HSD17B4: variants seen among roughly 807,000 people sequenced by gnomAD.
HSD17B4 encodes the protein peroxisomal multifunctional enzyme type 2.
In HSD17B4, 70 loss-of-function variants were observed where a neutral mutation model predicts 101.0. The observed-to-expected ratio is 0.69, with a 90% CI of 0.57 to 0.85. The LOEUF (loss-of-function observed/expected upper bound fraction) is 0.85. Among genes scored for constraint, HSD17B4 ranks in the 40% least tolerant of loss-of-function variants. The pLI, the probability that HSD17B4 is intolerant of heterozygous loss-of-function variation, is 0.00. For synonymous variants in HSD17B4, 347 were observed against 297.1 expected (o/e 1.17, Z -1.73); for missense variants, 984 against 892.4 (o/e 1.10, Z -1.31).
In HSD17B4 at chr5:119,529,881, T is replaced by G. The variant is rs1042490027; in HGVS notation, c.1768-13T>G. The G allele has an allele frequency of 6.7e-7, 1 of 1,496,228 alleles. No individual in the cohort carries two copies. Among genetic ancestry groups the G allele is most frequent in the African/African-American group, 1.4e-5 (1 of 72,438 alleles). The allele number at this position is 1,496,228 out of a possible 1,614,324, so 92.7% of individuals were successfully genotyped here. A position where few individuals can be genotyped will look rare whatever the true frequency, so the allele number is the denominator to read the frequency against. On this transcript the variant is annotated splice_polypyrimidine_tract_variant and intron_variant, in intron 20 of 23. Coordinates refer to ENST00000510025, the MANE Select transcript of HSD17B4 (RefSeq NM_000414.4). ...AATCAGAATAAATCTTTTTTTTTTCTTCTCCTCCTAAGGTCCAAGAAACTG... is the reference window on the plus strand; with the variant it reads ...AATCAGAATAAATCTTTTTTTTTTCGTCTCCTCCTAAGGTCCAAGAAACTG...
At chr5:119,457,730 T>C (rs972019828) in intron 2 of HSD17B4, among the ~76,000 whole-genome samples, 2 of 152,242 alleles carry the variant, frequency 1.3e-5, no homozygotes, top group Non-Finnish European at 2.9e-5. Context: ...TTTATTTACA[T>C]CTTTTCTGCT....
chr5:119,539,572 T>C (rs1754813508), intron 23 of HSD17B4, among the ~76,000 whole-genome samples: 1 of 151,284 alleles, frequency 6.6e-6, no homozygotes, highest in Non-Finnish European at 1.5e-5. Flanking sequence ...ACCCTAGAAC[T>C]TAAAGTATAA....
At chr5:119,456,454 AT>A (rs1275871982) in intron 2 of HSD17B4, 86 bp downstream of exon 2, 2 of 933,532 alleles carry the variant, frequency 2.1e-6, no homozygotes, top group Admixed American at 3.6e-5. Flanking sequence ...CTATCAAATA[AT>A]TTGTCAAGGT....
chr5:119,494,935 A>G (rs1361703123), intron 11 of HSD17B4, among the ~76,000 whole-genome samples: 1 of 152,176 alleles, frequency 6.6e-6, no homozygotes, highest in Non-Finnish European at 1.5e-5. Flanking sequence ...TATTTTTCTG[A>G]AAAGATCATG....
chr5:119,494,334 T>TTTCC (rs781439904), intron 11 of HSD17B4, among the ~76,000 whole-genome samples: 1,649 of 118,614 alleles, frequency 0.014, 8 homozygotes, highest in Non-Finnish European at 0.022. Context: ...CTTTTCTTTC[T>TTTCC]TTCTTTCTTT....
intron 15 of HSD17B4, 48 bp from the exon 16 acceptor site, chr5:119,509,093 G>A (rs1461427432): frequency 1.0e-6 from 1 of 1,004,300 alleles, no homozygotes; most frequent in Non-Finnish European, 1.6e-6. Context: ...AACTAGTTAT[G>A]CCTTTTGGTG....
chr5:119,490,888 C>T (rs1211598523), intron 9 of HSD17B4, among the ~76,000 whole-genome samples: 1 of 152,090 alleles, frequency 6.6e-6, no homozygotes, highest in Non-Finnish European at 1.5e-5. Flanking sequence ...TTTTATACAC[C>T]CAAACACACA....
At chr5:119,474,563 A>G (rs945239715) in intron 4 of HSD17B4, 103 bp downstream of exon 4, 84 of 781,094 alleles carry the variant, frequency 1.1e-4, no homozygotes, top group Middle Eastern at 3.0e-4. Flanking sequence ...CTCTTTCCTC[A>G]TAATCACATT....
At chr5:119,495,725 TG>T in intron 11 of HSD17B4, 1 of 188,188 alleles carries the variant, frequency 5.3e-6, no homozygotes, top group Non-Finnish European at 1.1e-5. Flanking sequence ...GGCTGGAGTA[TG>T]GTGGCATGAT....
intron 21 of HSD17B4, among the ~76,000 whole-genome samples, chr5:119,530,870 A>C (rs960846042): frequency 2.1e-5 from 3 of 141,438 alleles, no homozygotes; most frequent in Admixed American, 6.8e-5. Flanking sequence ...AAAACAAAAA[A>C]CAAAAAAAAC....
chr5:119,477,490 G>A lies in HSD17B4; in HGVS notation c.423G>A (p.Gln141=). The change falls in exon 7 of 24, where the codon CAG becomes CAA. Residue 141 remains glutamine (Q), a synonymous_variant. Coordinates refer to ENST00000510025, the MANE Select transcript of HSD17B4 (RefSeq NM_000414.4). ...CAGCATGGGAACACATGAAGAAACA[G>A]AAGTATGGAAGGTAGAGTTGCATGT... ...TRAAWEHMKK[Q]KYGRIIMTSS... 1.2e-6 allele frequency: 2 copies of A among 1,611,488 alleles called. No individual in the cohort carries two copies. The highest frequency in any genetic ancestry group is 1.7e-6 in the Non-Finnish European group (2 of 1,177,714).
At position 119,455,218 on chromosome 5, in the gene HSD17B4, A is replaced by G. The variant is rs775269516; in HGVS notation, c.59-1097A>G. Among the ~76,000 whole-genome samples the G allele has an allele frequency of 1.6e-4, 25 of 152,264 alleles. 1 individual carries two copies. The highest frequency in any genetic ancestry group is 6.2e-4 in the South Asian group (3 of 4,818). On this transcript the variant is annotated intron_variant, in intron 1 of 23. Transcript: ENST00000510025. ...GTTTTTCCCGAGATACTCTATGCCT[A>G]TAAAACTTCTCTCTTGGCTGGGGAT...
At chr5:119,511,907 A>G (rs142567656) in intron 16 of HSD17B4, among the ~76,000 whole-genome samples, 81 of 152,352 alleles carry the variant, frequency 5.3e-4, no homozygotes, top group African/African-American at 1.9e-3. Context: ...CAAACAGGCA[A>G]CAGAAACTGC....
chr5:119,528,238 C>G (rs753864858), intron 20 of HSD17B4, among the ~76,000 whole-genome samples: 2 of 152,070 alleles, frequency 1.3e-5, no homozygotes, highest in Admixed American at 1.3e-4. Context: ...GATAGAAACC[C>G]GATCAGCATG....
chr5:119,472,762 G>C (rs986627973), intron 2 of HSD17B4, among the ~76,000 whole-genome samples: 4 of 152,094 alleles, frequency 2.6e-5, no homozygotes, highest in Non-Finnish European at 2.9e-5. Flanking sequence ...ATACCCATTG[G>C]TTATCAACTC....
intron 2 of HSD17B4, among the ~76,000 whole-genome samples, chr5:119,473,273 CTTTTTTT>C (rs11408993): frequency 5.4e-5 from 2 of 36,964 alleles, no homozygotes; most frequent in Non-Finnish European, 9.3e-5. Context: ...GTGGATGAAT[CTTTTTTT>C]TTTTTTTTTT....
intron 1 of HSD17B4, 67 bp downstream of exon 1, chr5:119,452,700 G>A: frequency 6.2e-7 from 1 of 1,608,188 alleles, no homozygotes; most frequent in Middle Eastern, 1.7e-4. Context: ...TTTCGGGCCG[G>A]CATACGCGCG....
At chr5:119,487,997 A>G (rs946402866) in intron 8 of HSD17B4, among the ~76,000 whole-genome samples, 4 of 152,128 alleles carry the variant, frequency 2.6e-5, no homozygotes, top group African/African-American at 9.7e-5. Context: ...TTTTGCAACT[A>G]CTTTTTAATT....
intron 16 of HSD17B4, among the ~76,000 whole-genome samples, chr5:119,512,329 C>T (rs1752249491): frequency 6.6e-6 from 1 of 152,064 alleles, no homozygotes; most frequent in African/African-American, 2.4e-5. Context: ...AAACATTATA[C>T]ATCCAAGAAG....
Sources: gnomAD v4.1 joint callset for allele counts (sites outside exome capture counted in the v4.1 genomes callset) on GRCh38, gnomAD v4.1.1 for gene constraint, MANE v1.5 for transcripts, NCBI Gene and HGNC (gene_info 2026-07-23, HGNC 2026-07-21) for gene names.